Variants in KAZN observed in about 807,000 individuals in gnomAD.
The protein encoded by KAZN is kazrin.
A neutral mutation model predicts 87.4 loss-of-function variants in KAZN; 40 were observed. The ratio of observed to expected loss-of-function variants is 0.46; its 90% CI spans 0.36 to 0.60. The LOEUF is 0.60. Among genes scored for constraint, KAZN ranks in the 20% least tolerant of loss-of-function variants. The pLI is 0.00. For synonymous variants in KAZN, 466 were observed against 458.3 expected, an observed-to-expected ratio of 1.02 and a Z score of -0.22; for missense variants, 898 against 1,073.9, an observed-to-expected ratio of 0.84 and a Z score of 2.29.
chr1:14,374,678 G>C (rs1169688388), intron 2 of KAZN, among the ~76,000 whole-genome samples: 1 of 152,154 alleles, frequency 6.6e-6, no homozygotes, highest in Non-Finnish European at 1.5e-5. Context: ...TGGCCTTTCT[G>C]ATTAAATGCT....
chr1:14,596,293 CACGCACACGTGT>C (rs1676503626), upstream of KAZN, among the ~76,000 whole-genome samples: 1 of 132,732 alleles, frequency 7.5e-6, no homozygotes, highest in African/African-American at 3.0e-5. Context: ...GGTGTGAGTG[CACGCACACGTGT>C]GCGCACACAC....
intron 2 of KAZN, among the ~76,000 whole-genome samples, chr1:14,418,880 A>G (rs1278831250): frequency 6.6e-6 from 1 of 152,178 alleles, no homozygotes; most frequent in African/African-American, 2.4e-5. Flanking sequence ...TGCAAATGAA[A>G]ATAAGGCTTC....
chr1:14,547,173 G>A (rs1358115819), intron 2 of KAZN, among the ~76,000 whole-genome samples: 3 of 152,146 alleles, frequency 2.0e-5, no homozygotes, highest in Non-Finnish European at 4.4e-5. Flanking sequence ...TTACCAAAGG[G>A]AAGAATAGAA....
chr1:14,832,196 CA>C (rs559013790), intron 1 of KAZN, among the ~76,000 whole-genome samples: 6,936 of 120,758 alleles, frequency 0.057, 346 homozygotes, highest in African/African-American at 0.15. Flanking sequence ...AACTCCATCT[CA>C]AAAAAAAAAA....
At chr1:15,022,796 T>C (rs1451116950) in intron 2 of KAZN, among the ~76,000 whole-genome samples, 1 of 152,246 alleles carries the variant, frequency 6.6e-6, no homozygotes. Flanking sequence ...TCCCCGCTCA[T>C]GCACCTGTCT....
At chr1:14,648,179 G>T (rs1232916587) in intron 1 of KAZN, among the ~76,000 whole-genome samples, 1 of 152,228 alleles carries the variant, frequency 6.6e-6, no homozygotes, top group Non-Finnish European at 1.5e-5. Flanking sequence ...TTTATGTAAA[G>T]ATCGCAACCA....
At chr1:14,616,264 C>T (rs1678230078) in intron 1 of KAZN, among the ~76,000 whole-genome samples, 2 of 152,150 alleles carry the variant, frequency 1.3e-5, no homozygotes, top group African/African-American at 4.8e-5. Context: ...GTTACCCTGA[C>T]CCCCAAGCTT....
intron 2 of KAZN, among the ~76,000 whole-genome samples, chr1:14,433,199 T>C (rs1418131887): frequency 1.3e-5 from 2 of 152,202 alleles, no homozygotes; most frequent in African/African-American, 4.8e-5. Flanking sequence ...CCAGTCAAGA[T>C]CCAGAGCTTT....
chr1:15,013,538 G>C (rs1669789678), intron 2 of KAZN, among the ~76,000 whole-genome samples: 1 of 152,130 alleles, frequency 6.6e-6, no homozygotes, highest in Admixed American at 6.5e-5. Context: ...CGGATCACTT[G>C]AGGTTAGGAG....
At chr1:15,046,163 C>CGT (rs1673477163) in intron 4 of KAZN, among the ~76,000 whole-genome samples, 1 of 151,848 alleles carries the variant, frequency 6.6e-6, no homozygotes, top group Non-Finnish European at 1.5e-5. Context: ...CCAGACATGG[C>CGT]GGTGGATGCC....
At chr1:15,097,579 GA>G (rs555889951) in intron 10 of KAZN, among the ~76,000 whole-genome samples, 19 of 152,242 alleles carry the variant, frequency 1.2e-4, no homozygotes, top group South Asian at 8.3e-4. Context: ...AGCACTTTGG[GA>G]GGCCAAGGCA....
At chr1:14,286,917 A>G (rs1292077311) in intron 2 of KAZN, among the ~76,000 whole-genome samples, 1 of 152,180 alleles carries the variant, frequency 6.6e-6, no homozygotes, top group Non-Finnish European at 1.5e-5. Flanking sequence ...ATGAAATTCA[A>G]CTACTTTATA....
intron 1 of KAZN, among the ~76,000 whole-genome samples, chr1:14,617,284 C>G (rs111896644): frequency 2.6e-4 from 40 of 152,268 alleles, no homozygotes; most frequent in African/African-American, 9.4e-4. Context: ...TTTTTGGTTT[C>G]CCAGTGCGTA....
At chr1:14,990,504 A>T (rs910664886) in intron 2 of KAZN, among the ~76,000 whole-genome samples, 3 of 152,186 alleles carry the variant, frequency 2.0e-5, no homozygotes, top group African/African-American at 7.2e-5. Flanking sequence ...GATGACGGGC[A>T]TGAGCCACCG....
chr1:14,629,282 A>G (rs1679383420), intron 1 of KAZN, among the ~76,000 whole-genome samples: 1 of 152,186 alleles, frequency 6.6e-6, no homozygotes, highest in Non-Finnish European at 1.5e-5. Context: ...ACATTGTAAG[A>G]AACATGTTTT....
chr1:14,573,844 C>T (rs946936597), intron 2 of KAZN, among the ~76,000 whole-genome samples: 1 of 151,926 alleles, frequency 6.6e-6, no homozygotes, highest in Non-Finnish European at 1.5e-5. Context: ...AGGAGAAATT[C>T]AGGCATATGA....
intron 1 of KAZN, among the ~76,000 whole-genome samples, chr1:14,650,521 G>A (rs1436244660): frequency 2.0e-5 from 3 of 152,178 alleles, no homozygotes; most frequent in Admixed American, 1.3e-4. Flanking sequence ...ACTCCAGCCT[G>A]GGGGATAGAG....
At chr1:14,889,968 G>T (rs1217721211) in intron 1 of KAZN, among the ~76,000 whole-genome samples, 1 of 152,192 alleles carries the variant, frequency 6.6e-6, no homozygotes, top group East Asian at 1.9e-4. Flanking sequence ...TACCTCGTAC[G>T]CTCGAGCCAA....
intron 1 of KAZN, among the ~76,000 whole-genome samples, chr1:14,101,762 T>C (rs534418545): frequency 6.6e-6 from 1 of 152,362 alleles, no homozygotes; most frequent in East Asian, 1.9e-4. Flanking sequence ...TAAGCACTGC[T>C]AAAGTACTTG....
Sources: gnomAD v4.1 joint callset for allele counts (sites outside exome capture counted in the v4.1 genomes callset) on GRCh38, gnomAD v4.1.1 for gene constraint, MANE v1.5 for transcripts, NCBI Gene and HGNC (gene_info 2026-07-23, HGNC 2026-07-21) for gene names.